Variants in CNTN5 observed in about 807,000 individuals in gnomAD.
CNTN5 encodes contactin 5.
Under a neutral mutation model 129.1 loss-of-function variants are expected in CNTN5, and 77 were observed. The ratio of observed to expected loss-of-function variants is 0.60; its 90% CI spans 0.50 to 0.72. The LOEUF (loss-of-function observed/expected upper bound fraction) is 0.72. CNTN5 is among the 30% of genes least tolerant of loss of function. CNTN5 has a pLI of 0.00. For missense variants in CNTN5, 1,478 were observed against 1,328.8 expected (o/e 1.11, Z -1.75); for synonymous variants, 509 against 465.6 (o/e 1.09, Z -1.20).
intron 3 of CNTN5, among the ~76,000 whole-genome samples, chr11:99,626,666 G>T (rs1951144608): frequency 6.6e-6 from 1 of 152,070 alleles, no homozygotes; most frequent in Non-Finnish European, 1.5e-5. Flanking sequence ...TGAGGATAAA[G>T]ATCTATGTAA....
intron 9 of CNTN5, among the ~76,000 whole-genome samples, chr11:100,031,095 T>C (rs1941686251): frequency 6.6e-6 from 1 of 152,190 alleles, no homozygotes; most frequent in Non-Finnish European, 1.5e-5. Context: ...GCTGCTAGCA[T>C]CAAATATTAT....
chr11:99,884,038 C>T (rs1948836712), intron 6 of CNTN5, among the ~76,000 whole-genome samples: 2 of 152,122 alleles, frequency 1.3e-5, no homozygotes, highest in South Asian at 4.1e-4. Flanking sequence ...AGTGTTCAAA[C>T]AAGTTGGAAG....
At chr11:99,509,643 T>C (rs1565243298) in intron 2 of CNTN5, among the ~76,000 whole-genome samples, 1 of 152,022 alleles carries the variant, frequency 6.6e-6, no homozygotes, top group African/African-American at 2.4e-5. Flanking sequence ...TAGTATGATG[T>C]CCCAGAGGTT....
chr11:99,749,177 C>T (rs973930555), intron 3 of CNTN5, among the ~76,000 whole-genome samples: 1 of 152,056 alleles, frequency 6.6e-6, no homozygotes. Flanking sequence ...AACTTTGTTT[C>T]AAACTTTGCA....
intron 21 of CNTN5, among the ~76,000 whole-genome samples, chr11:100,311,176 G>C (rs1314505682): frequency 6.6e-6 from 1 of 151,864 alleles, no homozygotes; most frequent in African/African-American, 2.4e-5. Flanking sequence ...TAGCAGTGGA[G>C]TTGATAAGAA....
chr11:99,662,551 T>G (rs554360905), intron 3 of CNTN5, among the ~76,000 whole-genome samples: 1 of 152,214 alleles, frequency 6.6e-6, no homozygotes, highest in East Asian at 1.9e-4. Context: ...TGCGGTGTTA[T>G]AATAAACACG....
chr11:100,255,178 C>T (rs1950040993), intron 16 of CNTN5, among the ~76,000 whole-genome samples: 1 of 152,170 alleles, frequency 6.6e-6, no homozygotes, highest in Admixed American at 6.5e-5. Flanking sequence ...CCCTACAGAA[C>T]TTTATGTATG....
At chr11:99,552,070 G>A (rs1948504672) in intron 2 of CNTN5, among the ~76,000 whole-genome samples, 1 of 151,878 alleles carries the variant, frequency 6.6e-6, no homozygotes, top group Non-Finnish European at 1.5e-5. Context: ...ACCAGGCCTA[G>A]CTAATTTCTG....
In CNTN5 at chr11:99,902,430, T is replaced by C. The variant is rs566280983; in HGVS notation, c.578-13624T>C. 3.3e-5 allele frequency among the ~76,000 whole-genome samples: 5 copies of C among 152,228 alleles called. No individual in the cohort carries two copies. In the South Asian group the frequency reaches 8.3e-4, roughly 25 times the overall value. Reference sequence around the variant, plus strand: ...ATCTGCCTAACCTTGAACTAGACTATTTGGGATGCCCTTCAGTAATGTGAG... The same window carrying C: ...ATCTGCCTAACCTTGAACTAGACTACTTGGGATGCCCTTCAGTAATGTGAG... On this transcript the variant is annotated intron_variant, in intron 6 of 24. Coordinates refer to ENST00000524871, the MANE Select transcript of CNTN5 (RefSeq NM_014361.4).
intron 8 of CNTN5, among the ~76,000 whole-genome samples, chr11:99,968,269 A>G (rs1290890419): frequency 6.6e-6 from 1 of 152,204 alleles, no homozygotes; most frequent in East Asian, 1.9e-4. Flanking sequence ...ATTACTGTTT[A>G]TTAGGAAATT....
intron 2 of CNTN5, among the ~76,000 whole-genome samples, chr11:99,330,933 T>TAC (rs777845966): frequency 3.3e-5 from 5 of 151,742 alleles, no homozygotes; most frequent in Non-Finnish European, 7.4e-5. Flanking sequence ...AAAATAAACA[T>TAC]ACACACACAC....
chr11:99,128,472 C>T (rs1320887913), intron 1 of CNTN5, among the ~76,000 whole-genome samples: 2 of 152,148 alleles, frequency 1.3e-5, no homozygotes, highest in Admixed American at 1.3e-4. Context: ...CAGGCCTTTA[C>T]AGACAGAATT....
intron 2 of CNTN5, among the ~76,000 whole-genome samples, chr11:99,506,933 A>C (rs1946644937): frequency 6.6e-6 from 1 of 152,204 alleles, no homozygotes. Flanking sequence ...TATTTAAAAA[A>C]ATATAAAAAG....
intron 2 of CNTN5, among the ~76,000 whole-genome samples, chr11:99,443,005 A>G (rs1355213295): frequency 6.6e-6 from 1 of 152,220 alleles, no homozygotes; most frequent in Non-Finnish European, 1.5e-5. Context: ...GATGTCTAGC[A>G]CTGTGTTATT....
intron 3 of CNTN5, among the ~76,000 whole-genome samples, chr11:99,738,837 C>T (rs1318353161): frequency 6.6e-6 from 1 of 152,034 alleles, no homozygotes; most frequent in African/African-American, 2.4e-5. Flanking sequence ...AATAAGGTGG[C>T]TTTTTAAAAA....
chr11:99,411,829 A>T (rs1315138403), intron 2 of CNTN5, among the ~76,000 whole-genome samples: 2 of 152,198 alleles, frequency 1.3e-5, no homozygotes, highest in African/African-American at 4.8e-5. Context: ...ATGGAACTCC[A>T]GTTTCATTTC....
At chr11:100,208,624 G>A (rs1948962009) in intron 15 of CNTN5, among the ~76,000 whole-genome samples, 1 of 152,128 alleles carries the variant, frequency 6.6e-6, no homozygotes, top group Non-Finnish European at 1.5e-5. Flanking sequence ...TGGTTGGGAA[G>A]AACTGCAAAA....
At chr11:99,360,817 AC>A in intron 2 of CNTN5, among the ~76,000 whole-genome samples, 1 of 152,188 alleles carries the variant, frequency 6.6e-6, no homozygotes, top group Non-Finnish European at 1.5e-5. Flanking sequence ...TTTATTCTTC[AC>A]AATATAGCCA....
chr11:99,644,696 TTAC>T (rs2135855375), intron 3 of CNTN5, among the ~76,000 whole-genome samples: 1 of 152,190 alleles, frequency 6.6e-6, no homozygotes, highest in East Asian at 1.9e-4. Context: ...TATTAAATAT[TTAC>T]TAATTAAGCA....
Sources: allele counts gnomAD v4.1 joint callset (sites outside exome capture counted in the v4.1 genomes callset), GRCh38; gene constraint gnomAD v4.1.1; transcripts MANE v1.5; gene names NCBI Gene and HGNC (gene_info 2026-07-23, HGNC 2026-07-21).